The following DHRSX variants were observed in gnomAD, a reference collection of about 807,000 sequenced individuals.
The protein encoded by DHRSX is dehydrogenase/reductase X-linked, also known as polyprenol dehydrogenase.
DHRSX carries 31 observed loss-of-function variants against 34.0 expected under a neutral mutation model. That is an observed-to-expected ratio of 0.91 (90% CI 0.69 to 1.23). DHRSX has a LOEUF of 1.23. Among genes scored for constraint, DHRSX ranks in the 50% most tolerant of loss-of-function variants. The pLI, the probability that DHRSX is intolerant of heterozygous loss-of-function variation, is 0.00. For missense variants in DHRSX, 414 were observed against 428.1 expected (o/e 0.97, Z 0.29); for synonymous variants, 201 against 183.8 (o/e 1.09, Z -0.76).
intron 3 of DHRSX, among the ~76,000 whole-genome samples, chrX:2,374,106 G>C (rs2043112773): frequency 1.3e-5 from 2 of 152,134 alleles, no homozygotes. Context: ...CATGTGATTA[G>C]TATTGTTCTA....
intron 1 of DHRSX, among the ~76,000 whole-genome samples, chrX:2,476,801 C>T (rs939503756): frequency 6.6e-6 from 1 of 152,040 alleles, no homozygotes; most frequent in Non-Finnish European, 1.5e-5. Context: ...GTCGGGAGTT[C>T]AAGACCAGCC....
intron 1 of DHRSX, among the ~76,000 whole-genome samples, chrX:2,481,204 T>G (rs192929136): frequency 6.6e-6 from 1 of 152,320 alleles, no homozygotes; most frequent in East Asian, 1.9e-4. Context: ...TATAAAATAA[T>G]TCTATAAAGA....
intron 3 of DHRSX, among the ~76,000 whole-genome samples, chrX:2,380,537 G>A (rs2043191212): frequency 6.6e-6 from 1 of 152,100 alleles, no homozygotes; most frequent in Admixed American, 6.6e-5. Context: ...TGCTGTTATG[G>A]TTTGGCTCTG....
intron 1 of DHRSX, among the ~76,000 whole-genome samples, chrX:2,485,077 C>T (rs2044852927): frequency 6.6e-6 from 1 of 152,160 alleles, no homozygotes. Flanking sequence ...ACAACCAGCT[C>T]AGAGTTAGGG....
chrX:2,242,987 G>T, intron 6 of DHRSX, 36 bp downstream of exon 6: 2 of 1,597,944 alleles, frequency 1.3e-6, no homozygotes, highest in Non-Finnish European at 1.7e-6. Flanking sequence ...GCATCTTCAG[G>T]TGCAGCCGTG....
chrX:2,244,258 G>A (rs1180069820), intron 5 of DHRSX, among the ~76,000 whole-genome samples: 1 of 151,960 alleles, frequency 6.6e-6, no homozygotes, highest in African/African-American at 2.4e-5. Context: ...ACAGGACATA[G>A]TGATAAAAAT....
chrX:2,348,049 C>A (rs1462398288), intron 3 of DHRSX, among the ~76,000 whole-genome samples: 2 of 152,144 alleles, frequency 1.3e-5, no homozygotes, highest in Admixed American at 1.3e-4. Context: ...TCAGCCAAAC[C>A]CACAGTCAGG....
At chrX:2,233,047 GTGT>G (rs2015932819) in intron 6 of DHRSX, among the ~76,000 whole-genome samples, 1 of 151,540 alleles carries the variant, frequency 6.6e-6, no homozygotes, top group Non-Finnish European at 1.5e-5. Context: ...TACTCTTAAA[GTGT>G]TGTTAAGAAA....
At chrX:2,382,618 CCACCATCAT>C (rs1190451428) in intron 3 of DHRSX, among the ~76,000 whole-genome samples, 24 of 9,218 alleles carry the variant, frequency 2.6e-3, no homozygotes, top group Middle Eastern at 0.067. Context: ...ACCATCATCA[CCACCATCAT>C]CACCATCATC....
At chrX:2,302,367 T>A (rs906517522) in intron 3 of DHRSX, among the ~76,000 whole-genome samples, 1 of 152,154 alleles carries the variant, frequency 6.6e-6, no homozygotes, top group African/African-American at 2.4e-5. Flanking sequence ...ATCCCAGCAC[T>A]TTGGGAGGCC....
At chrX:2,345,961 C>T (rs954003954) in intron 3 of DHRSX, among the ~76,000 whole-genome samples, 1 of 152,154 alleles carries the variant, frequency 6.6e-6, no homozygotes, top group Non-Finnish European at 1.5e-5. Context: ...CATATTGGTT[C>T]TATTTCTCTG....
intron 1 of DHRSX, among the ~76,000 whole-genome samples, chrX:2,444,472 C>T (rs2044102626): frequency 6.6e-6 from 1 of 152,126 alleles, no homozygotes; most frequent in African/African-American, 2.4e-5. Flanking sequence ...GGTGAGGAGA[C>T]CTGGGCGGCA....
intron 1 of DHRSX, among the ~76,000 whole-genome samples, chrX:2,497,955 T>A (rs2045322665): frequency 1.3e-5 from 2 of 152,202 alleles, no homozygotes; most frequent in South Asian, 4.1e-4. Context: ...ACTTACTGAA[T>A]GGGCCGCATG....
intron 3 of DHRSX, among the ~76,000 whole-genome samples, chrX:2,401,854 T>A (rs1263663231): frequency 6.6e-6 from 1 of 152,032 alleles, no homozygotes; most frequent in Non-Finnish European, 1.5e-5. Context: ...CCCTGGAAAA[T>A]CCCTAGCTTG....
intron 1 of DHRSX, among the ~76,000 whole-genome samples, chrX:2,494,598 G>C (rs1370391472): frequency 1.3e-5 from 2 of 151,782 alleles, no homozygotes; most frequent in African/African-American, 2.4e-5. Flanking sequence ...AAAAGGTTCT[G>C]GCACTTCAGT....
At chrX:2,422,236 A>C (rs1352567994) in intron 2 of DHRSX, among the ~76,000 whole-genome samples, 1 of 152,178 alleles carries the variant, frequency 6.6e-6, no homozygotes, top group Admixed American at 6.6e-5. Flanking sequence ...GCGGAGAGGA[A>C]GAAGTCAATC....
chrX:2,354,923 G>A (rs1168302541), intron 3 of DHRSX, among the ~76,000 whole-genome samples: 20 of 152,226 alleles, frequency 1.3e-4, no homozygotes, highest in Admixed American at 9.8e-4. Context: ...ATAAATGCCC[G>A]TATGGAGGGA....
intron 3 of DHRSX, among the ~76,000 whole-genome samples, chrX:2,298,140 G>A (rs979601165): frequency 2.0e-5 from 3 of 152,066 alleles, no homozygotes; most frequent in African/African-American, 4.8e-5. Context: ...AGAGACTGGA[G>A]TGATACAGCC....
In DHRSX at chrX:2,430,208, G is replaced by A. The variant is rs138242282; in HGVS notation, c.110-4904C>T. ...CTTCCCTGAAAACGCACAGTGAGCC[G>A]TGATTGTGCCACTGCACCGCAGCCT... On this transcript the variant is annotated intron_variant, in intron 1 of 6. Transcript: ENST00000334651. Among the ~76,000 whole-genome samples, 519 of 145,924 alleles carry A rather than the reference G, an allele frequency of 3.6e-3. 13 individuals are homozygous for A. The highest frequency in any genetic ancestry group is 0.031 in the Admixed American group (442 of 14,106).
Sources: gnomAD v4.1 joint callset for allele counts (sites outside exome capture counted in the v4.1 genomes callset) on GRCh38, gnomAD v4.1.1 for gene constraint, MANE v1.5 for transcripts, NCBI Gene and HGNC (gene_info 2026-07-23, HGNC 2026-07-21) for gene names.